IMMP1L: variants seen among roughly 807,000 people sequenced by gnomAD.
IMMP1L encodes the protein mitochondrial inner membrane protease subunit 1.
IMMP1L carries 24 observed loss-of-function variants against 21.8 expected under a neutral mutation model. That is an observed-to-expected ratio of 1.10 (90% CI 0.80 to 1.55). The LOEUF is 1.55. Among genes scored for constraint, IMMP1L ranks in the 40% most tolerant of loss-of-function variants. The pLI, the probability that IMMP1L is intolerant of heterozygous loss-of-function variation, is 0.00. For missense variants in IMMP1L, 195 were observed against 200.7 expected (o/e 0.97, Z 0.17); for synonymous variants, 46 against 62.8 (o/e 0.73, Z 1.26).
intron 1 of IMMP1L, among the ~76,000 whole-genome samples, chr11:31,466,777 G>T (rs1261037377): frequency 6.6e-6 from 1 of 152,036 alleles, no homozygotes; most frequent in African/African-American, 2.4e-5. Context: ...TAGGAGGGGA[G>T]AATGAGAAGT....
intron 4 of IMMP1L, among the ~76,000 whole-genome samples, chr11:31,436,443 T>G (rs1163613205): frequency 6.6e-6 from 1 of 152,180 alleles, no homozygotes; most frequent in Non-Finnish European, 1.5e-5. Context: ...GAGTAATTTT[T>G]GTTTTTTGAG....
intron 4 of IMMP1L, chr11:31,449,089 A>C: frequency 1.0e-6 from 1 of 985,366 alleles, no homozygotes; most frequent in South Asian, 4.7e-5. Flanking sequence ...TTATCACTAT[A>C]GTCTGCAAAA....
chr11:31,491,530 G>T (rs1955256889), intron 1 of IMMP1L, among the ~76,000 whole-genome samples: 1 of 152,192 alleles, frequency 6.6e-6, no homozygotes, highest in African/African-American at 2.4e-5. Flanking sequence ...TAGCTGAGGA[G>T]ATTTCCAAGC....
At chr11:31,456,956 G>GAAAAAC (rs1170071912) in intron 3 of IMMP1L, among the ~76,000 whole-genome samples, 1 of 77,240 alleles carries the variant, frequency 1.3e-5, no homozygotes, top group Non-Finnish European at 3.0e-5. Flanking sequence ...ACCAAAAAAA[G>GAAAAAC]AAAAAAAAAC....
At chr11:31,461,988 G>C (rs1954155932) in intron 2 of IMMP1L, among the ~76,000 whole-genome samples, 1 of 152,022 alleles carries the variant, frequency 6.6e-6, no homozygotes, top group African/African-American at 2.4e-5. Context: ...TGCTACCTTT[G>C]GAAGTACCAA....
At chr11:31,470,044 T>C (rs1294995019) in intron 1 of IMMP1L, among the ~76,000 whole-genome samples, 1 of 152,198 alleles carries the variant, frequency 6.6e-6, no homozygotes, top group Non-Finnish European at 1.5e-5. Flanking sequence ...GTTTTGTGAA[T>C]GTTTTTGCCA....
At chr11:31,477,504 A>AT (rs1954765198) in intron 1 of IMMP1L, 3 of 979,874 alleles carry the variant, frequency 3.1e-6, no homozygotes, top group South Asian at 4.7e-5. Flanking sequence ...TGATGACCTG[A>AT]TTTTTTGTTG....
rs74778203 is a variant in IMMP1L, at chr11:31,446,100, A to C, written c.321+10160T>G. On this transcript the variant is annotated intron_variant, in intron 4 of 5. Coordinates refer to ENST00000532287, the MANE Select transcript of IMMP1L (RefSeq NM_001304274.2). ...ATATCTTCTTTCCATTTCCCAAATT[A>C]ACATCTCCCCCAACAACCCTATTTT... Among the ~76,000 whole-genome samples the C allele has an allele frequency of 5.9e-5, 9 of 152,302 alleles. No individual in the cohort carries two copies. In the East Asian group the frequency reaches 1.3e-3, roughly 23 times the overall value.
chr11:31,472,877 T>C (rs1954609696), intron 1 of IMMP1L, among the ~76,000 whole-genome samples: 1 of 152,162 alleles, frequency 6.6e-6, no homozygotes, highest in South Asian at 2.1e-4. Flanking sequence ...TTTATTTATT[T>C]TTTTTTGAGA....
chr11:31,436,511 C>G (rs1236470978), intron 4 of IMMP1L, among the ~76,000 whole-genome samples: 1 of 152,040 alleles, frequency 6.6e-6, no homozygotes, highest in Non-Finnish European at 1.5e-5. Context: ...CGGCTCACTG[C>G]AACCTCCACC....
At chr11:31,478,190 T>A in intron 1 of IMMP1L, among the ~76,000 whole-genome samples, 1 of 152,210 alleles carries the variant, frequency 6.6e-6, no homozygotes, top group Admixed American at 6.5e-5. Context: ...CCTGGTTTTG[T>A]ATAGACAGCC....
chr11:31,456,792 A>G (rs1008880598), intron 3 of IMMP1L, among the ~76,000 whole-genome samples: 3 of 146,592 alleles, frequency 2.0e-5, no homozygotes, highest in Non-Finnish European at 4.5e-5. Flanking sequence ...GGCTACGGCA[A>G]GAGGATTGCT....
intron 1 of IMMP1L, among the ~76,000 whole-genome samples, chr11:31,468,518 C>A (rs1310821199): frequency 1.3e-5 from 2 of 151,958 alleles, no homozygotes; most frequent in East Asian, 3.9e-4. Flanking sequence ...TTTTTTTCAG[C>A]TTTTTTTGTA....
chr11:31,462,594 A>C (rs1954189983), intron 2 of IMMP1L, among the ~76,000 whole-genome samples: 1 of 152,216 alleles, frequency 6.6e-6, no homozygotes, highest in Non-Finnish European at 1.5e-5. Flanking sequence ...TTAACATTTT[A>C]ATATAGACAT....
chr11:31,449,163 T>A, intron 4 of IMMP1L: 1 of 745,916 alleles, frequency 1.3e-6, no homozygotes. Flanking sequence ...TTCTTCTATT[T>A]AAATGACATA....
chr11:31,446,735 G>T (rs1953536880), intron 4 of IMMP1L, among the ~76,000 whole-genome samples: 1 of 151,988 alleles, frequency 6.6e-6, no homozygotes, highest in South Asian at 2.1e-4. Context: ...TTCAACTCAG[G>T]TTTCACTTTC....
At chr11:31,447,678 T>A (rs1433933944) in intron 4 of IMMP1L, among the ~76,000 whole-genome samples, 1 of 152,204 alleles carries the variant, frequency 6.6e-6, no homozygotes, top group Non-Finnish European at 1.5e-5. Flanking sequence ...ATTATGAAAA[T>A]TCTGTCCCAG....
intron 1 of IMMP1L, among the ~76,000 whole-genome samples, chr11:31,493,891 C>T (rs951892092): frequency 2.0e-5 from 3 of 152,232 alleles, no homozygotes; most frequent in Admixed American, 2.0e-4. Context: ...CCAGGTCACA[C>T]TGATGCAAGA....
At chr11:31,456,876 C>CAAAAAAA (rs56849120) in intron 3 of IMMP1L, among the ~76,000 whole-genome samples, 1 of 17,966 alleles carries the variant, frequency 5.6e-5, no homozygotes, top group Admixed American at 1.0e-3. Flanking sequence ...ACCATGTCTC[C>CAAAAAAA]AAAAAAAAAA....
Sources: allele counts gnomAD v4.1 joint callset (sites outside exome capture counted in the v4.1 genomes callset), GRCh38; gene constraint gnomAD v4.1.1; transcripts MANE v1.5; gene names NCBI Gene and HGNC (gene_info 2026-07-23, HGNC 2026-07-21).